Variants in RERE observed in about 807,000 individuals in gnomAD.
The protein encoded by RERE is arginine-glutamic acid dipeptide repeats protein.
In RERE, 40 loss-of-function variants were observed where a neutral mutation model predicts 146.1. The ratio of observed to expected loss-of-function variants is 0.27; its 90% CI spans 0.21 to 0.36. The LOEUF is 0.36. Ranked by LOEUF, RERE falls within the 10% of genes least tolerant of loss-of-function variation. The probability of loss-of-function intolerance (pLI) is 1.00; values close to 1 mark genes in which losing one functional copy is unlikely to be tolerated. For synonymous variants in RERE, 1,003 were observed against 866.0 expected (o/e 1.16, Z -2.78); for missense variants, 1,933 against 2,138.7 (o/e 0.90, Z 1.90).
At chr1:8,785,714 C>T (rs1222490526) in intron 1 of RERE, among the ~76,000 whole-genome samples, 8 of 152,086 alleles carry the variant, frequency 5.3e-5, no homozygotes, top group South Asian at 2.1e-4. Context: ...CTCCGCCTCC[C>T]GGGTTCAAGC....
chr1:8,511,854 A>T (rs1237665266), intron 7 of RERE: 4 of 150,532 alleles, frequency 2.7e-5, no homozygotes, highest in African/African-American at 9.8e-5. Flanking sequence ...AACACCCCAG[A>T]ATGTTTCCCT....
chr1:8,395,700 A>C (rs1643031615), intron 12 of RERE, among the ~76,000 whole-genome samples: 1 of 152,284 alleles, frequency 6.6e-6, no homozygotes, highest in East Asian at 1.9e-4. Context: ...TAATTTCCTA[A>C]ATTCTTTTGT....
rs34187776 is a variant in RERE, at chr1:8,758,387, CTT to C, written c.-145+58771_-145+58772del. Among the ~76,000 whole-genome samples the C allele has an allele frequency of 5.3e-3, 694 of 131,966 alleles. 4 individuals carry two copies. The highest frequency in any genetic ancestry group is 0.013 in the African/African-American group (444 of 35,352). 86.6% of individuals were successfully genotyped at this position (131,966 alleles called of 152,430 possible). A position where few individuals can be genotyped will look rare whatever the true frequency, so the allele number is the denominator to read the frequency against. ...TGAGCCACCGTGCCTGGCCCTCAAT[CTT>C]TTTTTTTTTTTTTTTTTAAAGAAAC... On this transcript the variant is annotated intron_variant, in intron 1 of 22. Transcript: ENST00000400908.
intron 11 of RERE, among the ~76,000 whole-genome samples, chr1:8,445,535 T>C (rs1000874581): frequency 2.0e-5 from 3 of 152,168 alleles, no homozygotes; most frequent in African/African-American, 4.8e-5. Flanking sequence ...TCTACACATG[T>C]AGATGGGCCA....
At chr1:8,729,413 C>CG (rs35466248) in intron 1 of RERE, among the ~76,000 whole-genome samples, 86,823 of 150,374 alleles carry the variant, frequency 0.58, 25,642 homozygotes, top group East Asian at 0.85. Context: ...TTAGTAGAGA[C>CG]GGGGTTTCAC....
chr1:8,414,466 G>C lies in RERE; in HGVS notation c.1284+8261C>G, dbSNP rs138772926. Reference sequence around the variant, plus strand: ...AGCTACTTGGGAGGCTGAGGCAGGAGAATCACTTGAACCCGGGAGGTGGAG... The same window carrying C: ...AGCTACTTGGGAGGCTGAGGCAGGACAATCACTTGAACCCGGGAGGTGGAG... On this transcript the variant is annotated intron_variant, in intron 12 of 22. Transcript: ENST00000400908. Among the ~76,000 whole-genome samples, 624 of 152,162 alleles carry C rather than the reference G, an allele frequency of 4.1e-3. 4 individuals carry two copies. Among genetic ancestry groups the C allele is most frequent in the African/African-American group, 0.014 (594 of 41,516 alleles).
In RERE at chr1:8,443,674, T is replaced by C. The variant is rs1644282008; in HGVS notation, c.1204-20867A>G. Among the ~76,000 whole-genome samples, 2 of 152,102 alleles carry C rather than the reference T, an allele frequency of 1.3e-5. 1 individual carries two copies. The highest frequency in any genetic ancestry group is 4.1e-4 in the South Asian group (2 of 4,832). On this transcript the variant is annotated intron_variant, in intron 11 of 22. Coordinates refer to ENST00000400908, the MANE Select transcript of RERE (RefSeq NM_001042681.2). ...AGAAACCTAAGAGGAAAGAATAGTT[T>C]TCAGGGCCAGGCATGGGGTTTTGCT...
In RERE at chr1:8,558,762, A is replaced by T. The variant is rs1056361188; in HGVS notation, c.523-1239T>A. Among the ~76,000 whole-genome samples, 5 of 151,964 alleles carry T rather than the reference A, an allele frequency of 3.3e-5. No individual in the cohort carries two copies. The South Asian group carries it at 6.2e-4, about 19-fold the overall frequency. On this transcript the variant is annotated intron_variant, in intron 4 of 22. Transcript: ENST00000400908. ...TTGCCACAAGTTTCAACAGAACTCAAATGTGAAGATGTGTTATTTCTTTTT... is the reference window on the plus strand; with the variant it reads ...TTGCCACAAGTTTCAACAGAACTCATATGTGAAGATGTGTTATTTCTTTTT...
chr1:8,812,943 T>A (rs1035006845), intron 1 of RERE, among the ~76,000 whole-genome samples: 3 of 149,582 alleles, frequency 2.0e-5, no homozygotes, highest in African/African-American at 4.9e-5. Context: ...CTCCATTATT[T>A]AAAAAAAAAA....
chr1:8,354,131 C>A lies in RERE; in HGVS notation c.*956G>T, dbSNP rs1194614759. Reference sequence around the variant, plus strand: ...TCTACAATGGACACAGGCCCATGCGCTTTCCATCCCGTGGAAACAGAACAG... The same window carrying A: ...TCTACAATGGACACAGGCCCATGCGATTTCCATCCCGTGGAAACAGAACAG... On this transcript the variant is annotated 3_prime_UTR_variant, in exon 23 of 23. Transcript: ENST00000400908. The A allele has an allele frequency of 2.0e-5, 3 of 152,600 alleles. No homozygotes were observed. The highest frequency in any genetic ancestry group is 7.2e-5 in the African/African-American group (3 of 41,582). 9.5% of individuals were successfully genotyped at this position (152,600 alleles called of 1,614,324 possible).
intron 1 of RERE, among the ~76,000 whole-genome samples, chr1:8,764,356 C>CA (rs1226156248): frequency 6.6e-6 from 1 of 152,062 alleles, no homozygotes. Flanking sequence ...AAGGAACACA[C>CA]AAAAATCATG....
intron 1 of RERE, among the ~76,000 whole-genome samples, chr1:8,663,430 A>T (rs1398418169): frequency 6.6e-6 from 1 of 152,160 alleles, no homozygotes; most frequent in African/African-American, 2.4e-5. Context: ...CACTTAGTCT[A>T]CCAGACACAT....
intron 13 of RERE, 70 bp downstream of exon 13, chr1:8,365,742 C>T: frequency 1.3e-6 from 2 of 1,564,334 alleles, no homozygotes; most frequent in Non-Finnish European, 1.8e-6. Context: ...CTCCTACGGG[C>T]CCAGAGTGGG....
chr1:8,433,972 T>G (rs1455475677), intron 11 of RERE, among the ~76,000 whole-genome samples: 1 of 152,222 alleles, frequency 6.6e-6, no homozygotes, highest in African/African-American at 2.4e-5. Context: ...TTTCCTCTTT[T>G]TCCTAATCTT....
In RERE at chr1:8,679,143, C is replaced by A. The variant is rs74937135; in HGVS notation, c.-144-22702G>T. On this transcript the variant is annotated intron_variant, in intron 1 of 22. Transcript: ENST00000400908. ...TCTAAAGCTAAATGTATGGTAAGTA[C>A]AAATATTAAGATTCTCATTTCCTCA... 7.9e-3 allele frequency among the ~76,000 whole-genome samples: 1,195 copies of A among 152,210 alleles called. 14 individuals are homozygous for A. Among genetic ancestry groups the A allele is most frequent in the African/African-American group, 0.027 (1,139 of 41,506 alleles).
intron 1 of RERE, among the ~76,000 whole-genome samples, chr1:8,808,746 CA>C (rs1569842621): frequency 1.3e-5 from 2 of 151,934 alleles, no homozygotes; most frequent in East Asian, 3.9e-4. Flanking sequence ...AACTTAGGGC[CA>C]AAAAGATATT....
intron 4 of RERE, among the ~76,000 whole-genome samples, chr1:8,604,622 G>GA (rs1557429045): frequency 2.2e-5 from 1 of 46,466 alleles, no homozygotes; most frequent in Non-Finnish European, 4.2e-5. Context: ...GGGAGGGAGG[G>GA]AGGAAGGAAG....
At chr1:8,397,951 TGAGTAAGACA>T (rs2124435631) in intron 12 of RERE, among the ~76,000 whole-genome samples, 1 of 152,366 alleles carries the variant, frequency 6.6e-6, no homozygotes, top group South Asian at 2.1e-4. Context: ...GAAGATAATG[TGAGTAAGACA>T]GTCCTTGCCT....
chr1:8,686,024 C>G (rs1158632340), intron 1 of RERE, among the ~76,000 whole-genome samples: 1 of 151,186 alleles, frequency 6.6e-6, no homozygotes, highest in South Asian at 2.1e-4. Flanking sequence ...ATCCATCACC[C>G]AGGCTGGAGA....
Sources: gnomAD v4.1 joint callset for allele counts (sites outside exome capture counted in the v4.1 genomes callset) on GRCh38, gnomAD v4.1.1 for gene constraint, MANE v1.5 for transcripts, NCBI Gene and HGNC (gene_info 2026-07-23, HGNC 2026-07-21) for gene names.